Variants in SLC35F4 observed in about 807,000 individuals in gnomAD.
SLC35F4 encodes the protein solute carrier family 35 member F4, also known as chromosome 14 open reading frame 36.
Under a neutral mutation model 44.2 loss-of-function variants are expected in SLC35F4, and 24 were observed. The ratio of observed to expected loss-of-function variants is 0.54; its 90% CI spans 0.39 to 0.76. The LOEUF is 0.76. Ranked by LOEUF, SLC35F4 falls within the 30% of genes least tolerant of loss-of-function variation. SLC35F4 has a pLI of 0.00. For missense variants in SLC35F4, 562 were observed against 586.1 expected, an observed-to-expected ratio of 0.96 and a Z score of 0.42; for synonymous variants, 238 against 223.6, an observed-to-expected ratio of 1.06 and a Z score of -0.57.
chr14:57,594,702 G>T (rs988791475), intron 1 of SLC35F4, among the ~76,000 whole-genome samples: 1 of 152,200 alleles, frequency 6.6e-6, no homozygotes, highest in Non-Finnish European at 1.5e-5. Context: ...TCCTAAGGCT[G>T]TCGATTTCCT....
chr14:57,691,847 G>A (rs559210678), intron 1 of SLC35F4, among the ~76,000 whole-genome samples: 72 of 152,216 alleles, frequency 4.7e-4, no homozygotes, highest in African/African-American at 1.7e-3. Context: ...ACAATGCTAC[G>A]GGGGTGGAGG....
Position 57,744,999 on chromosome 14 carries a change from C to T in SLC35F4, c.103+120724G>A, listed in dbSNP as rs551527685. Among the ~76,000 whole-genome samples, 110 of 152,268 alleles carry T rather than the reference C, an allele frequency of 7.2e-4. 1 individual carries two copies. The Middle Eastern group carries it at 0.02, about 28-fold the overall frequency. On this transcript the variant is annotated intron_variant, in intron 1 of 7. Transcript: ENST00000556826. ...AAAAACAAGAAATGGGGAAAGGATTCCCTGTTTAATAAATGGTGCTGGCTA... is the reference window on the plus strand; with the variant it reads ...AAAAACAAGAAATGGGGAAAGGATTTCCTGTTTAATAAATGGTGCTGGCTA...
chr14:57,918,466 T>C (rs1285673002), intron 1 of SLC35F4, among the ~76,000 whole-genome samples: 1 of 152,224 alleles, frequency 6.6e-6, no homozygotes, highest in Non-Finnish European at 1.5e-5. Context: ...AGAGATCTGT[T>C]GACTTTTAGT....
chr14:57,778,082 G>A (rs1170322285), intron 1 of SLC35F4, among the ~76,000 whole-genome samples: 1 of 152,190 alleles, frequency 6.6e-6, no homozygotes, highest in Non-Finnish European at 1.5e-5. Flanking sequence ...CTGTTCTCAT[G>A]TTAGTAAATG....
intron 1 of SLC35F4, among the ~76,000 whole-genome samples, chr14:57,700,935 CA>C (rs1190669912): frequency 1.3e-5 from 2 of 152,028 alleles, no homozygotes; most frequent in East Asian, 3.9e-4. Context: ...CCAAAAACAA[CA>C]AAAAATTCTT....
intron 1 of SLC35F4, among the ~76,000 whole-genome samples, chr14:57,689,906 A>T (rs989835733): frequency 2.6e-4 from 39 of 152,210 alleles, no homozygotes; most frequent in African/African-American, 8.9e-4. Flanking sequence ...AAATAAAAAA[A>T]AATAAAGATA....
chr14:57,717,319 A>G (rs1416769036), intron 1 of SLC35F4, among the ~76,000 whole-genome samples: 1 of 152,142 alleles, frequency 6.6e-6, no homozygotes, highest in Non-Finnish European at 1.5e-5. Context: ...GCACTAATTC[A>G]CATTCCTACC....
At chr14:57,767,409 A>C (rs958345165) in intron 1 of SLC35F4, among the ~76,000 whole-genome samples, 1 of 152,214 alleles carries the variant, frequency 6.6e-6, no homozygotes, top group African/African-American at 2.4e-5. Flanking sequence ...AAAATGACAT[A>C]ATCTCTAAAT....
At chr14:57,973,626 G>A (rs1350922029), downstream of SLC35F4, among the ~76,000 whole-genome samples, 4 of 151,834 alleles carry the variant, frequency 2.6e-5, no homozygotes, top group African/African-American at 9.7e-5. Flanking sequence ...ACATGGAGTT[G>A]GGAGGGACAT....
At chr14:57,859,732 A>T (rs1887519350) in intron 1 of SLC35F4, among the ~76,000 whole-genome samples, 1 of 152,176 alleles carries the variant, frequency 6.6e-6, no homozygotes, top group Non-Finnish European at 1.5e-5. Context: ...GAAGGCAGTG[A>T]TCGCAGGACT....
At chr14:57,850,687 C>T (rs916846705) in intron 1 of SLC35F4, among the ~76,000 whole-genome samples, 11 of 152,208 alleles carry the variant, frequency 7.2e-5, no homozygotes, top group African/African-American at 2.7e-4. Context: ...TTTGGAAACA[C>T]TGTTTCTCAG....
chr14:57,969,137 C>G (rs1880976088), intron 1 of SLC35F4, among the ~76,000 whole-genome samples: 2 of 152,214 alleles, frequency 1.3e-5, no homozygotes, highest in Non-Finnish European at 2.9e-5. Context: ...GGCTGGTTAG[C>G]AGCAGTGATG....
At position 57,564,338 on chromosome 14, in the gene SLC35F4, C is replaced by A. The variant is rs1033887665; in HGVS notation, c.1255G>T (p.Val419Phe). The stretch of plus-strand genomic sequence containing the variant: ...ATGATGATGGTAGCAGCCAGGCGGA[C>A]AACATTGAATATCACCTCCTGCTTT... ...LLKQEVIFNVVRLAATIIICI... is the reference protein window; with the variant it reads ...LLKQEVIFNVFRLAATIIICI... Residue 419 changes from valine (V) to phenylalanine (F), a missense_variant, in exon 8 of 8, where the codon GTC becomes TTC. Transcript: ENST00000556826. 9 of 1,610,370 alleles carry A rather than the reference C, an allele frequency of 5.6e-6. No homozygotes were observed. Among genetic ancestry groups the A allele is most frequent in the Non-Finnish European group, 6.8e-6 (8 of 1,178,358 alleles).
At chr14:57,952,877 CA>C (rs980743535) in intron 1 of SLC35F4, among the ~76,000 whole-genome samples, 34 of 152,022 alleles carry the variant, frequency 2.2e-4, no homozygotes, top group Middle Eastern at 3.4e-3. Context: ...GGATATTATC[CA>C]GGAGAATTTC....
chr14:57,776,249 C>A (rs542006133), intron 1 of SLC35F4, among the ~76,000 whole-genome samples: 1 of 152,246 alleles, frequency 6.6e-6, no homozygotes, highest in African/African-American at 2.4e-5. Context: ...ATGAAAACTT[C>A]TCCAACCTAG....
At chr14:57,587,340 A>G (rs1381617520) in intron 3 of SLC35F4, among the ~76,000 whole-genome samples, 1 of 152,236 alleles carries the variant, frequency 6.6e-6, no homozygotes, top group Admixed American at 6.5e-5. Flanking sequence ...TTATTGTGGC[A>G]CTGTTAACAA....
chr14:57,845,248 A>T (rs78620127), intron 1 of SLC35F4, among the ~76,000 whole-genome samples: 3,953 of 152,278 alleles, frequency 0.026, 80 homozygotes, highest in Non-Finnish European at 0.04. Flanking sequence ...TGGGCAGTAG[A>T]CAGTTCTGGG....
chr14:57,690,903 T>C (rs1434564602), intron 1 of SLC35F4, among the ~76,000 whole-genome samples: 3 of 152,114 alleles, frequency 2.0e-5, no homozygotes, highest in Admixed American at 2.0e-4. Flanking sequence ...CAGATGAAGC[T>C]TGGCTTGCTT....
rs185630393 is a variant in SLC35F4 at position 57,605,223 on chromosome 14, T to C, written c.104-11099A>G. Among the ~76,000 whole-genome samples the C allele has an allele frequency of 2.0e-3, 309 of 152,304 alleles. 1 individual carries two copies. The highest frequency in any genetic ancestry group is 7.0e-3 in the African/African-American group (293 of 41,562). Reference sequence around the variant, plus strand: ...ACAAACTATGTATCTGACAAAGGTCTATTATCCAGAATCTATAAGGAACTC... The same window carrying C: ...ACAAACTATGTATCTGACAAAGGTCCATTATCCAGAATCTATAAGGAACTC... On this transcript the variant is annotated intron_variant, in intron 1 of 7. Transcript: ENST00000556826.
Sources: gnomAD v4.1 joint callset for allele counts (sites outside exome capture counted in the v4.1 genomes callset) on GRCh38, gnomAD v4.1.1 for gene constraint, MANE v1.5 for transcripts, NCBI Gene and HGNC (gene_info 2026-07-23, HGNC 2026-07-21) for gene names.